Variants in CDH11 observed in about 807,000 individuals in gnomAD.
The protein encoded by CDH11 is cadherin-11.
Under a neutral mutation model 67.8 loss-of-function variants are expected in CDH11, and 11 were observed. The observed-to-expected ratio is 0.16, with a 90% confidence interval of 0.10 to 0.27. The LOEUF is 0.27. Ranked by LOEUF, CDH11 falls within the 10% of genes least tolerant of loss-of-function variation. CDH11 has a pLI of 1.00. For missense variants in CDH11, 847 were observed against 1,031.2 expected, an observed-to-expected ratio of 0.82 and a Z score of 2.45; for synonymous variants, 419 against 400.0, an observed-to-expected ratio of 1.05 and a Z score of -0.57.
chr16:64,954,279 A>G (rs183756719), intron 11 of CDH11, among the ~76,000 whole-genome samples: 2 of 152,364 alleles, frequency 1.3e-5, no homozygotes, highest in Admixed American at 6.5e-5. Context: ...AACCTCTGCT[A>G]TTAAAACATG....
intron 2 of CDH11, among the ~76,000 whole-genome samples, chr16:65,031,548 C>T (rs186264036): frequency 7.1e-4 from 108 of 152,170 alleles, no homozygotes; most frequent in African/African-American, 2.5e-3. Context: ...AGGTGAGGAA[C>T]AGCAATCCAG....
At chr16:64,952,164 T>C (rs2071380436) in intron 11 of CDH11, among the ~76,000 whole-genome samples, 1 of 152,210 alleles carries the variant, frequency 6.6e-6, no homozygotes, top group Non-Finnish European at 1.5e-5. Flanking sequence ...ATAACAGTTG[T>C]ACTTCTCAGG....
chr16:64,983,518 A>G (rs564174083), intron 7 of CDH11, among the ~76,000 whole-genome samples: 1 of 152,202 alleles, frequency 6.6e-6, no homozygotes, highest in Non-Finnish European at 1.5e-5. Context: ...GAATGGGCAT[A>G]TAGTCATGGG....
At chr16:65,071,148 T>C (rs1004016192) in intron 1 of CDH11, among the ~76,000 whole-genome samples, 21 of 152,198 alleles carry the variant, frequency 1.4e-4, no homozygotes, top group Admixed American at 7.2e-4. Flanking sequence ...GAGCAGAAAA[T>C]GTGAGAACCT....
intron 2 of CDH11, among the ~76,000 whole-genome samples, chr16:65,033,859 C>T (rs2073697902): frequency 1.3e-5 from 2 of 152,228 alleles, no homozygotes; most frequent in South Asian, 2.1e-4. Context: ...AGGTGTTTTG[C>T]TCATTTTCTT....
In CDH11 at chr16:64,989,040, T is replaced by C. The variant is rs938208574; in HGVS notation, c.812-696A>G. 2.6e-5 allele frequency among the ~76,000 whole-genome samples: 4 copies of C among 152,246 alleles called. No homozygotes were observed. In the South Asian group the frequency reaches 8.3e-4, roughly 32 times the overall value. On this transcript the variant is annotated intron_variant, in intron 6 of 12. Coordinates refer to ENST00000268603, the MANE Select transcript of CDH11 (RefSeq NM_001797.4). ...GACACTGTTTTGTTTGCTTGTTTTGTTTACTACTAAACAAAACAGTCAAGA... is the reference window on the plus strand; with the variant it reads ...GACACTGTTTTGTTTGCTTGTTTTGCTTACTACTAAACAAAACAGTCAAGA...
intron 3 of CDH11, among the ~76,000 whole-genome samples, chr16:65,003,190 A>G (rs2072966163): frequency 6.6e-6 from 1 of 151,556 alleles, no homozygotes; most frequent in African/African-American, 2.4e-5. Context: ...GTAATAAATA[A>G]TACTATTAAT....
At chr16:65,072,467 G>A (rs1249914961) in intron 1 of CDH11, among the ~76,000 whole-genome samples, 4 of 152,168 alleles carry the variant, frequency 2.6e-5, no homozygotes, top group South Asian at 2.1e-4. Context: ...GGAGGACCTC[G>A]AACTATTTGT....
At chr16:65,099,815 G>A (rs2074960653) in intron 1 of CDH11, among the ~76,000 whole-genome samples, 1 of 152,090 alleles carries the variant, frequency 6.6e-6, no homozygotes, top group African/African-American at 2.4e-5. Context: ...TTGCCTCCAA[G>A]CAGGGGTAAT....
At chr16:64,964,374 A>C (rs142383896) in intron 11 of CDH11, among the ~76,000 whole-genome samples, 279 of 152,260 alleles carry the variant, frequency 1.8e-3, no homozygotes, top group African/African-American at 6.4e-3. Context: ...TGTGTGTTGA[A>C]ACATAGAAAA....
intron 1 of CDH11, among the ~76,000 whole-genome samples, chr16:65,092,563 A>C (rs959123026): frequency 5.9e-5 from 9 of 152,150 alleles, no homozygotes; most frequent in Non-Finnish European, 8.8e-5. Flanking sequence ...TCTTCTGCTT[A>C]TTGGTGGGGA....
Position 65,074,661 on chromosome 16 carries a change from T to C in CDH11, c.-297-20733A>G, listed in dbSNP as rs1807299980. Among the ~76,000 whole-genome samples the C allele has an allele frequency of 2.6e-5, 4 of 152,048 alleles. No individual in the cohort carries two copies. The South Asian group carries it at 8.3e-4, about 32-fold the overall frequency. ...CAAGCCCATATCTTCCCCCAGAATA[T>C]GTGTGTGTGCACAGAGAGAGACAAA... On this transcript the variant is annotated intron_variant, in intron 1 of 12. Transcript: ENST00000268603.
At chr16:65,059,325 C>A (rs926386897) in intron 1 of CDH11, among the ~76,000 whole-genome samples, 4 of 152,176 alleles carry the variant, frequency 2.6e-5, no homozygotes, top group African/African-American at 9.7e-5. Flanking sequence ...AGTTTCTGAG[C>A]CCCAAATGGA....
At chr16:65,064,024 C>G (rs1456391909) in intron 1 of CDH11, among the ~76,000 whole-genome samples, 5 of 152,148 alleles carry the variant, frequency 3.3e-5, no homozygotes, top group African/African-American at 1.2e-4. Flanking sequence ...ATGATGTGGC[C>G]ATCTTCAAGA....
At chr16:65,016,744 A>C (rs1450049756) in intron 2 of CDH11, among the ~76,000 whole-genome samples, 1 of 152,216 alleles carries the variant, frequency 6.6e-6, no homozygotes, top group Non-Finnish European at 1.5e-5. Context: ...AGTGAAAGTA[A>C]GCTTATTAAG....
chr16:65,023,242 A>G (rs1370432170), intron 2 of CDH11, among the ~76,000 whole-genome samples: 2 of 152,212 alleles, frequency 1.3e-5, no homozygotes, highest in Non-Finnish European at 2.9e-5. Context: ...AATAAAGAAC[A>G]TAGGAAAGGA....
In CDH11 at chr16:64,971,624, G is replaced by A; in HGVS notation, c.1597C>T (p.Pro533Ser). Residue 533 changes from proline (P) to serine (S), a missense_variant, in exon 11 of 13, where the codon CCT (proline) becomes TCT (serine). By Grantham distance (74) the Pro-to-Ser change is moderately conservative (BLOSUM62 -1). Coordinates refer to ENST00000268603, the MANE Select transcript of CDH11 (RefSeq NM_001797.4). ...NGPRFIFSLP[P>S]EIIHNPNFTV... ...AAATTTGGATTGTGAATGATTTCAG[G>A]GGGTAGGCTGAAGATAAATCTTGGT... The A allele has an allele frequency of 6.2e-7, 1 of 1,613,680 alleles. No individual in the cohort carries two copies. The highest frequency in any genetic ancestry group is 1.7e-4 in the Middle Eastern group (1 of 6,060).
chr16:65,104,102 G>C (rs534848774), intron 1 of CDH11, among the ~76,000 whole-genome samples: 1 of 152,288 alleles, frequency 6.6e-6, no homozygotes, highest in South Asian at 2.1e-4. Context: ...AAAGGATTTG[G>C]TGGAGAAAAT....
chr16:64,984,972 G>C (rs566490800), intron 7 of CDH11: 1 of 152,306 alleles, frequency 6.6e-6, no homozygotes, highest in Non-Finnish European at 1.5e-5. Flanking sequence ...ATTCTGCTCT[G>C]ACACTGCTTT....
Sources: allele counts gnomAD v4.1 joint callset (sites outside exome capture counted in the v4.1 genomes callset), GRCh38; gene constraint gnomAD v4.1.1; transcripts MANE v1.5; gene names NCBI Gene and HGNC (gene_info 2026-07-23, HGNC 2026-07-21).